BRD4: variants seen among roughly 807,000 people sequenced by gnomAD.
The protein encoded by BRD4 is bromodomain-containing protein 4.
In BRD4, 16 loss-of-function variants were observed where a neutral mutation model predicts 142.1. The observed-to-expected ratio is 0.11, with a 90% CI of 0.08 to 0.17. BRD4 has a LOEUF of 0.17. Ranked by LOEUF, BRD4 falls within the 10% of genes least tolerant of loss-of-function variation. BRD4 has a pLI of 1.00. For synonymous variants in BRD4, 833 were observed against 707.5 expected (o/e 1.18, Z -2.82); for missense variants, 1,424 against 1,810.9 (o/e 0.79, Z 3.88).
intron 1 of BRD4, among the ~76,000 whole-genome samples, chr19:15,301,181 T>C (rs2047864278): frequency 6.6e-6 from 1 of 152,220 alleles, no homozygotes; most frequent in East Asian, 1.9e-4. Flanking sequence ...TGACTCAACC[T>C]CTACCTCCCC....
In BRD4 at chr19:15,255,343, C is replaced by T; in HGVS notation, c.2001G>A (p.Leu667=). 6.2e-7 allele frequency: 1 copy of T among 1,614,090 alleles called. No individual in the cohort carries two copies. Reference sequence around the variant, plus strand: ...GCAAACAGGAGGTGACATAGCGCTCCAGCTCACGCAGTGTGGACGGCTTCA... The same window carrying T: ...GCAAACAGGAGGTGACATAGCGCTCTAGCTCACGCAGTGTGGACGGCTTCA... ...ETLKPSTLRE[L]ERYVTSCLRK... The change falls in exon 10 of 20, where the codon CTG becomes CTA. Residue 667 remains leucine, a synonymous_variant. Coordinates refer to ENST00000679869, the MANE Select transcript of BRD4 (RefSeq NM_001379291.1).
In BRD4 at chr19:15,238,474, G is replaced by A. The variant is rs764928135; in HGVS notation, c.4021-29C>T. On this transcript the variant is annotated intron_variant, in intron 19 of 19. Transcript: ENST00000679869. This position sits in a 1 kb window ranked among gnomAD's most constrained non-coding sequence, Gnocchi z 7.2. ...GAGGAGAAAGGAAGGAGGGAGTCAG[G>A]AGGATGACCTAGCCACCCTGCAGCT... 2.5e-6 allele frequency: 4 copies of A among 1,613,606 alleles called. No homozygotes were observed. The highest frequency in any genetic ancestry group is 2.5e-6 in the Non-Finnish European group (3 of 1,179,894).
chr19:15,315,386 C>A (rs944397063), intron 1 of BRD4, among the ~76,000 whole-genome samples: 1 of 152,040 alleles, frequency 6.6e-6, no homozygotes, highest in African/African-American at 2.4e-5. Flanking sequence ...GCAGTGAATG[C>A]AGAACAGTGT....
At chr19:15,260,865 T>C (rs1243285094) in intron 7 of BRD4, among the ~76,000 whole-genome samples, 4 of 144,188 alleles carry the variant, frequency 2.8e-5, no homozygotes, top group Non-Finnish European at 6.1e-5. Flanking sequence ...GAAAAGGAGG[T>C]GGCTCCAGGG....
intron 1 of BRD4, among the ~76,000 whole-genome samples, chr19:15,293,723 A>T (rs2047801934): frequency 2.0e-5 from 3 of 152,228 alleles, no homozygotes; most frequent in Non-Finnish European, 4.4e-5. Context: ...CTTTAAGTAC[A>T]TTTACACTGT....
intron 1 of BRD4, among the ~76,000 whole-genome samples, chr19:15,304,299 G>A (rs767837362): frequency 6.6e-6 from 1 of 152,192 alleles, no homozygotes; most frequent in African/African-American, 2.4e-5. Flanking sequence ...TTCTGCCCAA[G>A]GAGGCTGAGC....
chr19:15,321,793 A>G (rs1186759245), intron 1 of BRD4, among the ~76,000 whole-genome samples: 1 of 152,202 alleles, frequency 6.6e-6, no homozygotes, highest in Non-Finnish European at 1.5e-5. Flanking sequence ...ATGCACACAA[A>G]TGACACTCTA....
At chr19:15,312,406 G>T (rs1216906632) in intron 1 of BRD4, among the ~76,000 whole-genome samples, 1 of 152,130 alleles carries the variant, frequency 6.6e-6, no homozygotes, top group African/African-American at 2.4e-5. Flanking sequence ...GGCCGAGGCG[G>T]GCAGATCACC....
At chr19:15,270,899 G>A (rs1453870881) in intron 2 of BRD4, among the ~76,000 whole-genome samples, 1 of 152,120 alleles carries the variant, frequency 6.6e-6, no homozygotes, top group Non-Finnish European at 1.5e-5. Context: ...CATCTCTGAA[G>A]ACATCAGATC....
At chr19:15,288,869 G>A (rs571738303) in intron 1 of BRD4, among the ~76,000 whole-genome samples, 1 of 152,320 alleles carries the variant, frequency 6.6e-6, no homozygotes, top group East Asian at 1.9e-4. Context: ...GGGAGGGAAA[G>A]TTCAGAGGAG....
chr19:15,311,601 G>A (rs1467886373), intron 1 of BRD4, among the ~76,000 whole-genome samples: 1 of 151,692 alleles, frequency 6.6e-6, no homozygotes, highest in Non-Finnish European at 1.5e-5. Context: ...GACCAACCTG[G>A]CCAACATGAT....
At chr19:15,269,179 CA>C (rs2047562512) in intron 2 of BRD4, 137 bp from the exon 3 acceptor site, 1 of 918,984 alleles carries the variant, frequency 1.1e-6, no homozygotes, top group Non-Finnish European at 1.6e-6. Flanking sequence ...CTCCTACTGG[CA>C]TCAGCAAGTG....
intron 1 of BRD4, among the ~76,000 whole-genome samples, chr19:15,288,298 AT>A (rs1304474919): frequency 6.6e-5 from 10 of 152,152 alleles, no homozygotes; most frequent in African/African-American, 2.4e-4. Context: ...TATTAAAAGG[AT>A]TTATGGGTGG....
At position 15,243,033 on chromosome 19, in the gene BRD4, C is replaced by T. The variant is rs761502321; in HGVS notation, c.3036G>A (p.Pro1012=). Residue 1012 remains proline, a synonymous_variant, in exon 14 of 20, where the codon CCG becomes CCA. Coordinates refer to ENST00000679869, the MANE Select transcript of BRD4 (RefSeq NM_001379291.1). ...MQFSTHIQQP[P]PPQGQQPPHP... ...GGGGGGGCTGCTGGCCCTGGGGTGG[C>T]GGGGGCTGTTGGATGTGGGTGGAAA... The T allele has an allele frequency of 1.6e-4, 49 of 301,876 alleles. No homozygotes were observed. The highest frequency in any genetic ancestry group is 4.6e-4 in the South Asian group (12 of 26,302). The allele number at this position is 301,876 out of a possible 1,614,324, so 18.7% of individuals were successfully genotyped here. A position where few individuals can be genotyped will look rare whatever the true frequency, so the allele number is the denominator to read the frequency against.
intron 1 of BRD4, among the ~76,000 whole-genome samples, chr19:15,328,259 T>C (rs1291981932): frequency 1.3e-5 from 2 of 152,166 alleles, no homozygotes; most frequent in Non-Finnish European, 2.9e-5. Flanking sequence ...AATCAAAATA[T>C]TTAAAAATGT....
intron 1 of BRD4, among the ~76,000 whole-genome samples, chr19:15,331,514 G>A (rs912651954): frequency 3.0e-4 from 46 of 152,344 alleles, no homozygotes; most frequent in Middle Eastern, 3.4e-3. Flanking sequence ...GGGCTGCCAG[G>A]CTGAGAGTGG....
intron 7 of BRD4, among the ~76,000 whole-genome samples, chr19:15,260,428 T>A (rs1003144314): frequency 1.3e-5 from 2 of 152,008 alleles, no homozygotes; most frequent in African/African-American, 4.8e-5. Flanking sequence ...TAGAGAGAAG[T>A]AAGAAAAACA....
At chr19:15,277,733 T>C (rs961881539) in intron 1 of BRD4, among the ~76,000 whole-genome samples, 11 of 150,302 alleles carry the variant, frequency 7.3e-5, no homozygotes, top group Non-Finnish European at 1.6e-4. Flanking sequence ...GAGGTTGCAG[T>C]GAGCAGAGAT....
intron 2 of BRD4, among the ~76,000 whole-genome samples, chr19:15,271,418 C>T (rs1038468410): frequency 1.3e-5 from 2 of 152,128 alleles, no homozygotes; most frequent in African/African-American, 4.8e-5. Context: ...ATGATCAGGT[C>T]GGAATCCTCA....
Sources: gnomAD v4.1 joint callset for allele counts (sites outside exome capture counted in the v4.1 genomes callset) on GRCh38, gnomAD v4.1.1 for gene constraint, Gnocchi (gnomAD v3.1) non-coding constraint, MANE v1.5 for transcripts, NCBI Gene and HGNC (gene_info 2026-07-23, HGNC 2026-07-21) for gene names.